The following NKAIN2 variants were observed in gnomAD, a reference collection of about 807,000 sequenced individuals.
NKAIN2 encodes sodium/potassium transporting ATPase interacting 2.
A neutral mutation model predicts 32.6 loss-of-function variants in NKAIN2; 14 were observed. The observed-to-expected ratio is 0.43, with a 90% CI of 0.28 to 0.67. NKAIN2 has a LOEUF of 0.67. NKAIN2 is among the 30% of genes least tolerant of loss of function. The pLI is 0.17. For synonymous variants in NKAIN2, 80 were observed against 87.2 expected (o/e 0.92, Z 0.46); for missense variants, 198 against 258.3 (o/e 0.77, Z 1.60).
intron 1 of NKAIN2, among the ~76,000 whole-genome samples, chr6:124,078,161 G>A (rs928323759): frequency 6.6e-6 from 1 of 152,058 alleles, no homozygotes; most frequent in Non-Finnish European, 1.5e-5. Flanking sequence ...AGATTTTGAA[G>A]GTGTGAATTA....
intron 4 of NKAIN2, among the ~76,000 whole-genome samples, chr6:124,768,608 G>A (rs1383473879): frequency 6.6e-6 from 1 of 151,992 alleles, no homozygotes; most frequent in East Asian, 1.9e-4. Context: ...CACTTTTGAG[G>A]TAGCTACAAA....
At chr6:124,281,179 A>C (rs1483146373) in intron 1 of NKAIN2, among the ~76,000 whole-genome samples, 1 of 152,098 alleles carries the variant, frequency 6.6e-6, no homozygotes, top group Non-Finnish European at 1.5e-5. Context: ...TGATGCTCCA[A>C]ATTTATAGAG....
intron 1 of NKAIN2, among the ~76,000 whole-genome samples, chr6:124,118,392 G>A (rs1212149511): frequency 6.6e-6 from 1 of 152,160 alleles, no homozygotes; most frequent in Non-Finnish European, 1.5e-5. Flanking sequence ...AATATTGCAA[G>A]TATTGTCTTT....
intron 1 of NKAIN2, among the ~76,000 whole-genome samples, chr6:123,951,350 G>A (rs1009691273): frequency 2.6e-4 from 39 of 152,074 alleles, no homozygotes; most frequent in Non-Finnish European, 5.6e-4. Context: ...AATACTAAGA[G>A]TGAAGTGTTG....
intron 4 of NKAIN2, among the ~76,000 whole-genome samples, chr6:124,708,103 T>C (rs1775201707): frequency 6.7e-6 from 1 of 149,580 alleles, no homozygotes; most frequent in African/African-American, 2.5e-5. Flanking sequence ...TAGGGAATCC[T>C]TTCCCCATTG....
chr6:124,435,362 T>C lies in NKAIN2; in HGVS notation c.273+80015T>C, dbSNP rs1006884063. Among the ~76,000 whole-genome samples the C allele has an allele frequency of 3.9e-5, 6 of 152,078 alleles. 1 individual carries two copies. The highest frequency in any genetic ancestry group is 5.9e-5 in the Non-Finnish European group (4 of 68,004). On this transcript the variant is annotated intron_variant, in intron 3 of 6. Transcript: ENST00000368417. ...AGTCAGATACACTCATAAGTTTCCA[T>C]AAAAAACAAGAAAGGAAAATTACGG...
At chr6:124,504,227 G>C (rs1465383379) in intron 3 of NKAIN2, among the ~76,000 whole-genome samples, 1 of 152,072 alleles carries the variant, frequency 6.6e-6, no homozygotes, top group Non-Finnish European at 1.5e-5. Flanking sequence ...TACCATTACT[G>C]TGATTCCTTC....
intron 3 of NKAIN2, among the ~76,000 whole-genome samples, chr6:124,392,205 T>C (rs966215254): frequency 6.6e-6 from 1 of 152,156 alleles, no homozygotes; most frequent in African/African-American, 2.4e-5. Flanking sequence ...AATTAGATCT[T>C]ATTCAGGGCA....
At chr6:124,453,291 C>T (rs1284583629) in intron 3 of NKAIN2, among the ~76,000 whole-genome samples, 3 of 143,988 alleles carry the variant, frequency 2.1e-5, no homozygotes, top group Non-Finnish European at 1.5e-5. Context: ...TTTTTCCTTC[C>T]CCCACTTTCT....
intron 1 of NKAIN2, among the ~76,000 whole-genome samples, chr6:123,980,566 A>G (rs1778842055): frequency 6.6e-6 from 1 of 152,210 alleles, no homozygotes; most frequent in Non-Finnish European, 1.5e-5. Context: ...CCATGTCACT[A>G]AAGCCCAAGA....
chr6:124,363,574 C>A (rs895941737), intron 3 of NKAIN2, among the ~76,000 whole-genome samples: 1 of 152,196 alleles, frequency 6.6e-6, no homozygotes, highest in African/African-American at 2.4e-5. Context: ...AATTTTTCGG[C>A]AGTCATGCCA....
chr6:124,493,713 C>CA (rs1454726833), intron 3 of NKAIN2, among the ~76,000 whole-genome samples: 6 of 85,722 alleles, frequency 7.0e-5, no homozygotes, highest in Non-Finnish European at 1.4e-4. Context: ...CCAACCCCCC[C>CA]CTCCAAAAAA....
At chr6:123,875,389 C>A (rs9372762) in intron 1 of NKAIN2, among the ~76,000 whole-genome samples, 47,572 of 151,568 alleles carry the variant, frequency 0.31, 7,640 homozygotes, top group Non-Finnish European at 0.33. Flanking sequence ...TGCTTGTTTC[C>A]TTTTGCCTTA....
intron 2 of NKAIN2, among the ~76,000 whole-genome samples, chr6:124,346,997 G>A (rs1307075356): frequency 1.3e-5 from 2 of 152,102 alleles, no homozygotes; most frequent in Admixed American, 6.6e-5. Context: ...CATGTTTAGT[G>A]CTTCCTTCAG....
At chr6:124,227,089 A>C (rs1792155581) in intron 1 of NKAIN2, among the ~76,000 whole-genome samples, 1 of 149,022 alleles carries the variant, frequency 6.7e-6, no homozygotes, top group South Asian at 2.1e-4. Context: ...CTTGGAGGCA[A>C]AAAAAAAAAA....
At chr6:124,501,730 C>T (rs943119784) in intron 3 of NKAIN2, among the ~76,000 whole-genome samples, 2 of 152,160 alleles carry the variant, frequency 1.3e-5, no homozygotes, top group African/African-American at 4.8e-5. Context: ...ACCTTCGCCT[C>T]TCTAGCATTT....
chr6:124,461,250 C>T (rs1776519226), intron 3 of NKAIN2, among the ~76,000 whole-genome samples: 1 of 151,728 alleles, frequency 6.6e-6, no homozygotes, highest in African/African-American at 2.4e-5. Context: ...TACAAAATTA[C>T]AGGGCACATT....
At chr6:123,876,751 C>T (rs1007076143) in intron 1 of NKAIN2, among the ~76,000 whole-genome samples, 2 of 152,198 alleles carry the variant, frequency 1.3e-5, no homozygotes, top group African/African-American at 4.8e-5. Flanking sequence ...ATGCTGCCCA[C>T]CCACATTGGG....
chr6:123,911,513 A>T (rs1775175704), intron 1 of NKAIN2, among the ~76,000 whole-genome samples: 1 of 151,912 alleles, frequency 6.6e-6, no homozygotes. Flanking sequence ...TTCATGAGGG[A>T]TCCATCCCTA....
Sources: allele counts gnomAD v4.1 joint callset (sites outside exome capture counted in the v4.1 genomes callset), GRCh38; gene constraint gnomAD v4.1.1; transcripts MANE v1.5; gene names NCBI Gene and HGNC (gene_info 2026-07-23, HGNC 2026-07-21).